The following BAZ2B variants were observed in gnomAD, a reference collection of about 807,000 sequenced individuals.
BAZ2B encodes bromodomain adjacent to zinc finger domain 2B, also known as bromodomain adjacent to zinc finger domain protein 2B.
In BAZ2B, 91 loss-of-function variants were observed where a neutral mutation model predicts 246.0. That is an observed-to-expected ratio of 0.37 (90% CI 0.31 to 0.44). The LOEUF (loss-of-function observed/expected upper bound fraction) is 0.44. BAZ2B is among the 20% of genes least tolerant of loss of function. The probability of loss-of-function intolerance (pLI) is 1.00; values close to 1 mark genes in which losing one functional copy is unlikely to be tolerated. For synonymous variants in BAZ2B, 855 were observed against 860.0 expected (o/e 0.99, Z 0.10); for missense variants, 2,332 against 2,533.7 (o/e 0.92, Z 1.71).
chr2:159,598,697 C>T (rs1423146513), intron 1 of BAZ2B, among the ~76,000 whole-genome samples: 1 of 151,924 alleles, frequency 6.6e-6, no homozygotes, highest in South Asian at 2.1e-4. Flanking sequence ...GAAGCCCTGT[C>T]TCTACTAAAA....
chr2:159,341,218 G>C (rs2066645165), intron 31 of BAZ2B, among the ~76,000 whole-genome samples: 1 of 150,648 alleles, frequency 6.6e-6, no homozygotes, highest in Non-Finnish European at 1.5e-5. Context: ...AAGAGGAATA[G>C]TTATACTTAT....
chr2:159,317,442 T>C (rs928434697), downstream of BAZ2B, among the ~76,000 whole-genome samples: 4 of 152,326 alleles, frequency 2.6e-5, no homozygotes, highest in Admixed American at 1.3e-4. Context: ...GGGTTTTAGG[T>C]GTACCTATAG....
intron 19 of BAZ2B, chr2:159,397,057 A>T: frequency 1.4e-6 from 2 of 1,382,928 alleles, no homozygotes; most frequent in Non-Finnish European, 1.9e-6. Context: ...GATGTACAAA[A>T]ATAAACATAC....
At chr2:159,425,527 A>G (rs998099917) in intron 13 of BAZ2B, among the ~76,000 whole-genome samples, 1 of 152,196 alleles carries the variant, frequency 6.6e-6, no homozygotes, top group African/African-American at 2.4e-5. Flanking sequence ...TAGAAAAGAC[A>G]CAACATGCAA....
At position 159,412,441 on chromosome 2, in the gene BAZ2B, T is replaced by C; in HGVS notation, c.2571A>G (p.Arg857=). ...TCCGACGTCTCATCCTGGATTCCTCTCTTGCTCGTTGTCTATCTGGATTTG... is the reference window on the plus strand; with the variant it reads ...TCCGACGTCTCATCCTGGATTCCTCCCTTGCTCGTTGTCTATCTGGATTTG... ...RPPNPDRQRA[R]EESRMRRRKG... is the part of the protein sequence containing the mutation. Residue 857 remains arginine (R), a synonymous_variant, in exon 14 of 37, where the codon AGA becomes AGG. Transcript: ENST00000392783. 6.2e-7 allele frequency: 1 copy of C among 1,614,152 alleles called. No individual in the cohort carries two copies. Among genetic ancestry groups the C allele is most frequent in the Non-Finnish European group, 8.5e-7 (1 of 1,180,016 alleles).
At chr2:159,622,849 T>C in the BAZ2B span, among the ~76,000 whole-genome samples, 2 of 151,206 alleles carry the variant, frequency 1.3e-5, no homozygotes, top group Admixed American at 6.6e-5. Flanking sequence ...ATACAAAAAG[T>C]AGTGGGGCAT....
chr2:159,501,101 C>T (rs2081655103), intron 2 of BAZ2B, among the ~76,000 whole-genome samples: 1 of 123,950 alleles, frequency 8.1e-6, no homozygotes, highest in Non-Finnish European at 1.6e-5. Context: ...GAAACCCCAT[C>T]TCTGTTTAAA....
At chr2:159,491,611 C>T (rs1001925796) in intron 2 of BAZ2B, among the ~76,000 whole-genome samples, 2 of 144,720 alleles carry the variant, frequency 1.4e-5, no homozygotes, top group Non-Finnish European at 3.0e-5. Flanking sequence ...GTCCCAGCTA[C>T]TTGGGAGGCT....
chr2:159,381,654 T>G (rs1045839426), intron 25 of BAZ2B, among the ~76,000 whole-genome samples: 10 of 152,198 alleles, frequency 6.6e-5, no homozygotes, highest in Admixed American at 6.5e-4. Context: ...CCACCTTTTG[T>G]GTCTTTCTCA....
intron 4 of BAZ2B, among the ~76,000 whole-genome samples, chr2:159,451,166 T>A (rs1323302226): frequency 6.6e-6 from 1 of 152,192 alleles, no homozygotes; most frequent in African/African-American, 2.4e-5. Context: ...AAATTCATGG[T>A]AATTTAATAT....
intron 1 of BAZ2B, among the ~76,000 whole-genome samples, chr2:159,599,211 A>C (rs1003083687): frequency 6.6e-6 from 1 of 152,222 alleles, no homozygotes; most frequent in Non-Finnish European, 1.5e-5. Context: ...TTAAGGAACT[A>C]ATGTTGACTT....
chr2:159,317,756 CT>C (rs552227295), downstream of BAZ2B, among the ~76,000 whole-genome samples: 844 of 145,234 alleles, frequency 5.8e-3, 13 homozygotes, highest in East Asian at 0.057. Context: ...TTAGGATAAT[CT>C]TTTTTTTTTT....
the BAZ2B span, among the ~76,000 whole-genome samples, chr2:159,706,645 C>A: frequency 6.6e-6 from 1 of 152,362 alleles, no homozygotes; most frequent in Non-Finnish European, 1.5e-5. Context: ...CAGAGGTCAG[C>A]AAACTTCCTG....
intron 2 of BAZ2B, among the ~76,000 whole-genome samples, chr2:159,506,926 A>G (rs1014223819): frequency 3.3e-5 from 5 of 152,238 alleles, no homozygotes; most frequent in Non-Finnish European, 7.3e-5. Context: ...CAAAGAGGTC[A>G]GAGTCTGAAA....
intron 1 of BAZ2B, among the ~76,000 whole-genome samples, chr2:159,575,005 A>G (rs1037476225): frequency 6.6e-6 from 1 of 152,124 alleles, no homozygotes; most frequent in Non-Finnish European, 1.5e-5. Flanking sequence ...AAAAAAGAAA[A>G]TAAAATGAAG....
the BAZ2B span, among the ~76,000 whole-genome samples, chr2:159,682,917 C>G: frequency 1.4e-4 from 15 of 105,588 alleles, no homozygotes; most frequent in African/African-American, 4.8e-4. Flanking sequence ...CCTCCCCCCC[C>G]CCACACACAC....
intron 1 of BAZ2B, among the ~76,000 whole-genome samples, chr2:159,573,793 C>T (rs935959924): frequency 5.3e-5 from 8 of 151,990 alleles, no homozygotes; most frequent in African/African-American, 1.7e-4. Flanking sequence ...ACACTTATAA[C>T]TACTCAATAA....
chr2:159,618,005 C>A (rs978850913), upstream of BAZ2B, among the ~76,000 whole-genome samples: 3 of 152,162 alleles, frequency 2.0e-5, no homozygotes, highest in Non-Finnish European at 4.4e-5. Flanking sequence ...GAGACTGATG[C>A]TAAATAAATT....
intron 1 of BAZ2B, among the ~76,000 whole-genome samples, chr2:159,591,345 T>C (rs1431938114): frequency 6.6e-6 from 1 of 152,174 alleles, no homozygotes; most frequent in Non-Finnish European, 1.5e-5. Context: ...GGAGTTGTAA[T>C]GGGACATGGT....
Sources: allele counts gnomAD v4.1 joint callset (sites outside exome capture counted in the v4.1 genomes callset), GRCh38; gene constraint gnomAD v4.1.1; transcripts MANE v1.5; gene names NCBI Gene and HGNC (gene_info 2026-07-23, HGNC 2026-07-21).